DMXL2: variants seen among roughly 807,000 people sequenced by gnomAD.
The protein encoded by DMXL2 is dmX-like protein 2.
Under a neutral mutation model 331.1 loss-of-function variants are expected in DMXL2, and 103 were observed. That is an observed-to-expected ratio of 0.31 (90% CI 0.27 to 0.37). The LOEUF (loss-of-function observed/expected upper bound fraction) is 0.37, where lower values mean the gene tolerates loss of function less well. DMXL2 is among the 10% of genes least tolerant of loss of function. The probability of loss-of-function intolerance (pLI) is 1.00; values close to 1 mark genes in which losing one functional copy is unlikely to be tolerated. For synonymous variants in DMXL2, 1,281 were observed against 1,252.1 expected, an observed-to-expected ratio of 1.02 and a Z score of -0.49; for missense variants, 3,171 against 3,642.9, an observed-to-expected ratio of 0.87 and a Z score of 3.33.
At chr15:51,486,476 T>C in intron 22 of DMXL2, 139 bp from the exon 23 acceptor site, 1 of 659,084 alleles carries the variant, frequency 1.5e-6, no homozygotes, top group East Asian at 2.8e-5. Context: ...AGTTAAATGA[T>C]TGATAGGAGA....
chr15:51,467,030 G>A (rs1044933185), intron 29 of DMXL2, among the ~76,000 whole-genome samples: 3 of 151,898 alleles, frequency 2.0e-5, no homozygotes, highest in Non-Finnish European at 2.9e-5. Context: ...GTCAGTGGGA[G>A]AAAAAGAAAG....
intron 28 of DMXL2, 86 bp downstream of exon 28, chr15:51,474,258 G>C (rs2041377351): frequency 4.5e-6 from 6 of 1,334,852 alleles, no homozygotes; most frequent in Non-Finnish European, 5.1e-6. Flanking sequence ...TATTTTCAAA[G>C]TGAAATTTCT....
chr15:51,551,587 C>T (rs2049225790), intron 6 of DMXL2, among the ~76,000 whole-genome samples: 1 of 151,314 alleles, frequency 6.6e-6, no homozygotes, highest in Admixed American at 6.5e-5. Context: ...AACTCAAGGG[C>T]TTTCCAACCA....
At chr15:51,538,777 C>T (rs2048422671) in intron 9 of DMXL2, among the ~76,000 whole-genome samples, 2 of 151,884 alleles carry the variant, frequency 1.3e-5, no homozygotes, top group African/African-American at 2.4e-5. Flanking sequence ...TAAATATGAA[C>T]TGGATATTAG....
intron 2 of DMXL2, among the ~76,000 whole-genome samples, chr15:51,573,259 A>T (rs778548046): frequency 5.3e-5 from 8 of 152,236 alleles, no homozygotes; most frequent in Admixed American, 2.6e-4. Flanking sequence ...AGTGTAAATT[A>T]GTTCAACCAT....
chr15:51,539,300 G>A (rs2048460213), intron 9 of DMXL2, among the ~76,000 whole-genome samples: 1 of 151,882 alleles, frequency 6.6e-6, no homozygotes, highest in Non-Finnish European at 1.5e-5. Flanking sequence ...AAGCAACTGT[G>A]GCAAAATGTT....
chr15:51,568,645 C>T (rs1567130085), intron 2 of DMXL2, 87 bp from the exon 3 acceptor site: 1 of 833,050 alleles, frequency 1.2e-6, no homozygotes, highest in Non-Finnish European at 1.9e-6. Flanking sequence ...AAACTAATTA[C>T]ATATAATCTC....
chr15:51,613,849 A>C (rs2054126877), intron 1 of DMXL2, among the ~76,000 whole-genome samples: 1 of 152,174 alleles, frequency 6.6e-6, no homozygotes, highest in African/African-American at 2.4e-5. Context: ...GCTTCTATCC[A>C]AGAGTACTCC....
At chr15:51,538,898 C>T (rs1185306557) in intron 9 of DMXL2, among the ~76,000 whole-genome samples, 6 of 152,212 alleles carry the variant, frequency 3.9e-5, no homozygotes, top group African/African-American at 1.4e-4. Context: ...ATAGGTGTAA[C>T]TTACTTTGAA....
chr15:51,489,228 A>G (rs2042615507), intron 20 of DMXL2, among the ~76,000 whole-genome samples: 1 of 152,240 alleles, frequency 6.6e-6, no homozygotes, highest in African/African-American at 2.4e-5. Context: ...TCTGCAAATC[A>G]TTAAGTTGAA....
chr15:51,612,548 C>T (rs888511074), intron 1 of DMXL2, among the ~76,000 whole-genome samples: 1 of 152,072 alleles, frequency 6.6e-6, no homozygotes, highest in South Asian at 2.1e-4. Flanking sequence ...CCCCCCAAGC[C>T]GCAAAACCAG....
At chr15:51,568,265 A>G (rs1455128147) in intron 3 of DMXL2, 4 of 415,962 alleles carry the variant, frequency 9.6e-6, no homozygotes, top group Non-Finnish European at 1.7e-5. Context: ...CAGTTAACAC[A>G]GTAAATGTCA....
chr15:51,543,719 A>G (rs935870867), intron 8 of DMXL2, among the ~76,000 whole-genome samples: 6 of 152,198 alleles, frequency 3.9e-5, no homozygotes, highest in African/African-American at 1.4e-4. Context: ...AAGTCAGACA[A>G]TTACGTTTTT....
chr15:51,548,381 A>C (rs1262423190), intron 6 of DMXL2, among the ~76,000 whole-genome samples: 1 of 152,122 alleles, frequency 6.6e-6, no homozygotes, highest in Non-Finnish European at 1.5e-5. Context: ...TGCATAATGA[A>C]ACAAAAATTT....
intron 13 of DMXL2, among the ~76,000 whole-genome samples, chr15:51,521,076 T>C (rs572909097): frequency 2.0e-5 from 3 of 152,164 alleles, no homozygotes; most frequent in African/African-American, 7.2e-5. Context: ...TTCATCAATT[T>C]ATATAATATT....
At chr15:51,457,730 T>C (rs1445363876) in intron 36 of DMXL2, 6 of 360,150 alleles carry the variant, frequency 1.7e-5, no homozygotes, top group Non-Finnish European at 1.5e-5. Context: ...TTGTTATCTA[T>C]GGAAAAATAT....
At chr15:51,511,131 G>A (rs184541697) in intron 15 of DMXL2, among the ~76,000 whole-genome samples, 66 of 152,256 alleles carry the variant, frequency 4.3e-4, no homozygotes, top group Admixed American at 2.2e-3. Flanking sequence ...ACGCAGGCAT[G>A]GGCAAAGCCT....
In DMXL2 at chr15:51,607,380, C is replaced by T. The variant is rs146925649; in HGVS notation, c.87+15079G>A. 4.4e-3 allele frequency among the ~76,000 whole-genome samples: 676 copies of T among 151,944 alleles called. 9 individuals carry two copies. Among genetic ancestry groups the T allele is most frequent in the East Asian group, 0.026 (134 of 5,168 alleles). On this transcript the variant is annotated intron_variant, in intron 1 of 43. Transcript: ENST00000560891. ...CTGAGGCAGAAGAATGGCTCGAACC[C>T]GGGAGGCAGAGCTTGCAGTGAGCCG... is the stretch of plus-strand genomic sequence containing the variant.
chr15:51,593,094 G>T (rs916353974), intron 1 of DMXL2, among the ~76,000 whole-genome samples: 7 of 152,136 alleles, frequency 4.6e-5, no homozygotes, highest in African/African-American at 1.2e-4. Flanking sequence ...TGGGCTAAAT[G>T]CTCCAATTAA....
Sources: gnomAD v4.1 joint callset for allele counts (sites outside exome capture counted in the v4.1 genomes callset) on GRCh38, gnomAD v4.1.1 for gene constraint, MANE v1.5 for transcripts, NCBI Gene and HGNC (gene_info 2026-07-23, HGNC 2026-07-21) for gene names.